Variants in PPFIA2 observed in about 807,000 individuals in gnomAD.
PPFIA2 encodes liprin-alpha-2.
Under a neutral mutation model 175.5 loss-of-function variants are expected in PPFIA2, and 46 were observed. That is an observed-to-expected ratio of 0.26 (90% CI 0.21 to 0.34). The LOEUF (loss-of-function observed/expected upper bound fraction) is 0.34. PPFIA2 is among the 10% of genes least tolerant of loss of function. PPFIA2 has a pLI of 1.00. For missense variants in PPFIA2, 1,179 were observed against 1,506.1 expected, an observed-to-expected ratio of 0.78 and a Z score of 3.60; for synonymous variants, 568 against 511.4, an observed-to-expected ratio of 1.11 and a Z score of -1.49.
At chr12:81,594,797 C>T (rs1414845085) in intron 4 of PPFIA2, among the ~76,000 whole-genome samples, 1 of 152,072 alleles carries the variant, frequency 6.6e-6, no homozygotes, top group Admixed American at 6.6e-5. Flanking sequence ...CCTATAGTCC[C>T]AGCTACTTGT....
At chr12:81,398,847 A>G (rs2142580566) in intron 8 of PPFIA2, among the ~76,000 whole-genome samples, 1 of 152,126 alleles carries the variant, frequency 6.6e-6, no homozygotes, top group African/African-American at 2.4e-5. Flanking sequence ...TTCTTTCTTG[A>G]CGCTCGACAA....
chr12:81,508,005 A>T (rs1409862865), intron 4 of PPFIA2, among the ~76,000 whole-genome samples: 1 of 152,156 alleles, frequency 6.6e-6, no homozygotes, highest in Non-Finnish European at 1.5e-5. Flanking sequence ...AATACCAAAG[A>T]GTATCTACTC....
chr12:81,436,577 A>G (rs897482892), intron 7 of PPFIA2, among the ~76,000 whole-genome samples: 2 of 152,096 alleles, frequency 1.3e-5, no homozygotes, highest in African/African-American at 4.8e-5. Flanking sequence ...AGGTTTCTAA[A>G]TATATCTTCT....
At chr12:81,483,571 G>A (rs2058487630) in intron 4 of PPFIA2, among the ~76,000 whole-genome samples, 1 of 151,854 alleles carries the variant, frequency 6.6e-6, no homozygotes, top group Non-Finnish European at 1.5e-5. Flanking sequence ...CAGAGAAGAG[G>A]GTGATGCACA....
intron 4 of PPFIA2, chr12:81,545,523 T>C (rs1198713649): frequency 1.3e-5 from 2 of 156,814 alleles, no homozygotes; most frequent in African/African-American, 4.8e-5. Context: ...ATTCCTCCAG[T>C]TCCCACACCA....
chr12:81,422,054 A>G (rs1406592618), intron 7 of PPFIA2, among the ~76,000 whole-genome samples: 1 of 149,682 alleles, frequency 6.7e-6, no homozygotes, highest in Non-Finnish European at 1.5e-5. Context: ...ATATATATAC[A>G]TATATATATA....
rs1316840779 is a variant in PPFIA2, at chr12:81,707,887, T to C, written c.250-31043A>G. ...GTCCTTTGTAGGGACATGGATGAAATTGGAAATCATCATTCTCAGTAAACT... is the reference window on the plus strand; with the variant it reads ...GTCCTTTGTAGGGACATGGATGAAACTGGAAATCATCATTCTCAGTAAACT... On this transcript the variant is annotated intron_variant, in intron 3 of 32. Transcript: ENST00000549396. Among the ~76,000 whole-genome samples, 6 of 150,780 alleles carry C rather than the reference T, an allele frequency of 4.0e-5. No individual in the cohort carries two copies. In the East Asian group the frequency reaches 9.9e-4, roughly 25 times the overall value.
chr12:81,528,286 A>G (rs945892547), intron 4 of PPFIA2, among the ~76,000 whole-genome samples: 6 of 152,200 alleles, frequency 3.9e-5, no homozygotes, highest in East Asian at 3.9e-4. Context: ...AGATAGTGAT[A>G]TGGGTAACAA....
intron 1 of PPFIA2, among the ~76,000 whole-genome samples, chr12:81,758,861 C>A (rs1922561): frequency 0.17 from 25,790 of 152,116 alleles, 2,661 homozygotes; most frequent in Middle Eastern, 0.29. Context: ...CGCCGCTCCC[C>A]CTCCGCGCCC....
At chr12:81,688,629 T>C (rs954923365) in intron 3 of PPFIA2, among the ~76,000 whole-genome samples, 5 of 150,892 alleles carry the variant, frequency 3.3e-5, no homozygotes, top group Non-Finnish European at 7.4e-5. Flanking sequence ...GATTAGCCTA[T>C]CGGAAGTGAT....
intron 3 of PPFIA2, among the ~76,000 whole-genome samples, chr12:81,729,574 T>G (rs2080574514): frequency 6.6e-6 from 1 of 151,584 alleles, no homozygotes; most frequent in Non-Finnish European, 1.5e-5. Context: ...ATCTACTCAG[T>G]AATCTGTGGA....
At chr12:81,573,939 G>A (rs887716556) in intron 4 of PPFIA2, among the ~76,000 whole-genome samples, 11 of 151,844 alleles carry the variant, frequency 7.2e-5, no homozygotes, top group African/African-American at 2.4e-4. Flanking sequence ...ACTGCTCTAT[G>A]CTGGAAACAC....
In PPFIA2 at chr12:81,445,649, C is replaced by T. The variant is rs377309697; in HGVS notation, c.477G>A (p.Arg159=). 1 of 1,613,854 alleles carries T rather than the reference C, an allele frequency of 6.2e-7. No homozygotes were observed. The highest frequency in any genetic ancestry group is 8.5e-7 in the Non-Finnish European group (1 of 1,179,824). ...ERSLRMTVVK[R]QAQSPSGVSS... is the part of the protein sequence containing the mutation. ...ATACTCCTGAGGGAGACTGGGCTTG[C>T]CGTTTTACCACCGTCATTCTTAGTG... is the stretch of plus-strand genomic sequence containing the variant. Residue 159 remains arginine (R), a synonymous_variant, in exon 6 of 33, where the codon CGG becomes CGA. Coordinates refer to ENST00000549396, the MANE Select transcript of PPFIA2 (RefSeq NM_003625.5).
intron 3 of PPFIA2, among the ~76,000 whole-genome samples, chr12:81,678,338 C>G (rs546989686): frequency 4.2e-4 from 64 of 151,742 alleles, no homozygotes; most frequent in Non-Finnish European, 8.8e-4. Context: ...GATGATTTTC[C>G]CCTTATATTG....
intron 4 of PPFIA2, among the ~76,000 whole-genome samples, chr12:81,642,769 T>TATGTATATATTATATACATAC (rs1567689505): frequency 0.067 from 2,132 of 31,594 alleles, 844 homozygotes; most frequent in East Asian, 0.25. Context: ...CATGTATATG[T>TATGTATATATTATATACATAC]ATGTATGTAT....
At chr12:81,376,401 G>A (rs2036368311) in intron 9 of PPFIA2, among the ~76,000 whole-genome samples, 1 of 143,872 alleles carries the variant, frequency 7.0e-6, no homozygotes, top group African/African-American at 2.8e-5. Flanking sequence ...GGAACTCTGT[G>A]GTTAAAAGGC....
intron 18 of PPFIA2, among the ~76,000 whole-genome samples, chr12:81,346,431 C>T (rs1286341494): frequency 6.6e-6 from 1 of 150,722 alleles, no homozygotes; most frequent in Non-Finnish European, 1.5e-5. Flanking sequence ...ATTCAGCAGT[C>T]ATCACAATCA....
chr12:81,745,020 G>T (rs2082857522), intron 3 of PPFIA2, among the ~76,000 whole-genome samples: 1 of 152,162 alleles, frequency 6.6e-6, no homozygotes, highest in African/African-American at 2.4e-5. Context: ...CCAGTTTAAT[G>T]AATAAGCTGA....
intron 4 of PPFIA2, among the ~76,000 whole-genome samples, chr12:81,675,221 CAT>C (rs34014251): frequency 0.015 from 843 of 55,446 alleles, 5 homozygotes; most frequent in Non-Finnish European, 0.028. Flanking sequence ...CACACACACA[CAT>C]ATATATATAG....
Sources: gnomAD v4.1 joint callset for allele counts (sites outside exome capture counted in the v4.1 genomes callset) on GRCh38, gnomAD v4.1.1 for gene constraint, MANE v1.5 for transcripts, NCBI Gene and HGNC (gene_info 2026-07-23, HGNC 2026-07-21) for gene names.